IMMP2L: variants seen among roughly 807,000 people sequenced by gnomAD.
The protein encoded by IMMP2L is inner mitochondrial membrane peptidase subunit 2.
A neutral mutation model predicts 19.3 loss-of-function variants in IMMP2L; 18 were observed. The ratio of observed to expected loss-of-function variants is 0.93; its 90% confidence interval spans 0.64 to 1.38. The LOEUF is 1.38. Among genes scored for constraint, IMMP2L ranks in the 40% most tolerant of loss-of-function variants. The pLI, the probability that IMMP2L is intolerant of heterozygous loss-of-function variation, is 0.00. For missense variants in IMMP2L, 233 were observed against 218.2 expected (o/e 1.07, Z -0.43); for synonymous variants, 76 against 73.0 (o/e 1.04, Z -0.21).
In IMMP2L at chr7:110,785,649, C is replaced by T. The variant is rs77876363; in HGVS notation, c.408+100944G>A. Among the ~76,000 whole-genome samples, 708 of 151,948 alleles carry T rather than the reference C, an allele frequency of 4.7e-3. 5 individuals carry two copies. Among genetic ancestry groups the T allele is most frequent in the African/African-American group, 0.016 (665 of 41,486 alleles). Reference sequence around the variant, plus strand: ...TACTATGGTAGTCTTTTCAGGATACCGCCTTGCATCACCAATGAGAGGAAT... The same window carrying T: ...TACTATGGTAGTCTTTTCAGGATACTGCCTTGCATCACCAATGAGAGGAAT... On this transcript the variant is annotated intron_variant, in intron 5 of 5. Transcript: ENST00000405709.
intron 3 of IMMP2L, among the ~76,000 whole-genome samples, chr7:111,412,861 G>T (rs568436469): frequency 6.6e-6 from 1 of 151,470 alleles, no homozygotes; most frequent in African/African-American, 2.4e-5. Context: ...CGTTAACAAG[G>T]TAGAAAAAGA....
At chr7:111,243,244 T>C (rs928656211) in intron 3 of IMMP2L, among the ~76,000 whole-genome samples, 1 of 151,984 alleles carries the variant, frequency 6.6e-6, no homozygotes, top group African/African-American at 2.4e-5. Flanking sequence ...TATTGAATTA[T>C]AAAATATTTA....
At chr7:111,294,652 A>C (rs1398265445) in intron 3 of IMMP2L, among the ~76,000 whole-genome samples, 2 of 151,858 alleles carry the variant, frequency 1.3e-5, no homozygotes, top group Non-Finnish European at 2.9e-5. Context: ...AGTATTTTCC[A>C]GTGTTGATAC....
intron 3 of IMMP2L, among the ~76,000 whole-genome samples, chr7:111,356,018 G>A (rs1828664399): frequency 2.6e-5 from 4 of 151,794 alleles, no homozygotes; most frequent in Non-Finnish European, 5.9e-5. Flanking sequence ...TTCCACATAG[G>A]CAGAATTTAG....
chr7:111,184,169 AG>A (rs1808016126), intron 3 of IMMP2L, among the ~76,000 whole-genome samples: 1 of 152,060 alleles, frequency 6.6e-6, no homozygotes, highest in African/African-American at 2.4e-5. Flanking sequence ...GAAGAATCAA[AG>A]AATACTCCAG....
intron 3 of IMMP2L, among the ~76,000 whole-genome samples, chr7:111,235,263 G>C (rs1009583298): frequency 1.3e-5 from 2 of 152,074 alleles, no homozygotes; most frequent in African/African-American, 4.8e-5. Flanking sequence ...CCTGAGGTCA[G>C]GAGTTCAAGG....
At chr7:111,418,502 A>G (rs886312645) in intron 3 of IMMP2L, among the ~76,000 whole-genome samples, 6 of 151,812 alleles carry the variant, frequency 4.0e-5, no homozygotes, top group Admixed American at 6.6e-5. Flanking sequence ...ACCTAATCTG[A>G]TATCTTTTCA....
At position 110,852,241 on chromosome 7, in the gene IMMP2L, GATGT is replaced by G. The variant is rs1302884166; in HGVS notation, c.408+34348_408+34351del. ...GGATGGATGGATGGATGGATGGATGGATGTATACACATATATAGCCATAAACATC... is the reference window on the plus strand; with the variant it reads ...GGATGGATGGATGGATGGATGGATGGATACACATATATAGCCATAAACATC... On this transcript the variant is annotated intron_variant, in intron 5 of 5. Transcript: ENST00000405709. Among the ~76,000 whole-genome samples the G allele has an allele frequency of 9.8e-3, 1,477 of 151,118 alleles. 24 individuals are homozygous for G. The highest frequency in any genetic ancestry group is 0.034 in the African/African-American group (1,392 of 41,102).
intron 3 of IMMP2L, among the ~76,000 whole-genome samples, chr7:111,419,406 C>A (rs962112308): frequency 2.0e-5 from 3 of 151,478 alleles, no homozygotes; most frequent in Non-Finnish European, 4.4e-5. Context: ...AAATGGGCCC[C>A]AAAATCACTA....
chr7:111,506,234 A>G (rs971240859), intron 2 of IMMP2L, among the ~76,000 whole-genome samples: 3 of 150,916 alleles, frequency 2.0e-5, no homozygotes, highest in East Asian at 1.9e-4. Context: ...AAAAATAAAT[A>G]ATAAATTTTT....
rs371891553 is a variant in IMMP2L, at chr7:111,041,442, A to G, written c.240-77877T>C. 8.5e-4 allele frequency among the ~76,000 whole-genome samples: 130 copies of G among 152,078 alleles called. 1 individual carries two copies. Among genetic ancestry groups the G allele is most frequent in the African/African-American group, 3.1e-3 (127 of 41,468 alleles). On this transcript the variant is annotated intron_variant, in intron 3 of 5. Coordinates refer to ENST00000405709, the MANE Select transcript of IMMP2L (RefSeq NM_032549.4). The stretch of plus-strand genomic sequence containing the variant: ...TATCCAATTATAGAAAAAGGCAGCA[A>G]TGATCTCTTAACTGCCAGATGAGTG...
chr7:111,231,445 C>G (rs1813705860), intron 3 of IMMP2L, among the ~76,000 whole-genome samples: 1 of 151,880 alleles, frequency 6.6e-6, no homozygotes, highest in East Asian at 1.9e-4. Context: ...CAAATCTTAA[C>G]AAGAAAAAAT....
At chr7:110,779,790 C>T (rs1339445044) in intron 5 of IMMP2L, among the ~76,000 whole-genome samples, 3 of 151,780 alleles carry the variant, frequency 2.0e-5, no homozygotes, top group Non-Finnish European at 4.4e-5. Flanking sequence ...CTGGCAGGAT[C>T]TTACTCAGCC....
chr7:111,314,197 G>A (rs527708255), intron 3 of IMMP2L, among the ~76,000 whole-genome samples: 10 of 152,142 alleles, frequency 6.6e-5, no homozygotes, highest in East Asian at 1.9e-4. Context: ...TAATACAGGC[G>A]GCTTCAGGGA....
At chr7:111,320,228 C>T (rs1276305816) in intron 3 of IMMP2L, among the ~76,000 whole-genome samples, 1 of 152,010 alleles carries the variant, frequency 6.6e-6, no homozygotes, top group African/African-American at 2.4e-5. Flanking sequence ...CAAACTACAC[C>T]TTCTTGTGTT....
chr7:111,350,344 T>C (rs1006484451), intron 3 of IMMP2L, among the ~76,000 whole-genome samples: 11 of 119,044 alleles, frequency 9.2e-5, no homozygotes, highest in African/African-American at 3.5e-4. Context: ...CAAGCTTGCA[T>C]ATATACATAT....
At chr7:111,400,210 G>A (rs982714226) in intron 3 of IMMP2L, among the ~76,000 whole-genome samples, 1 of 152,092 alleles carries the variant, frequency 6.6e-6, no homozygotes, top group Non-Finnish European at 1.5e-5. Context: ...CTAGCTCATA[G>A]TAAGCAGTCT....
At chr7:111,073,028 T>A (rs974144324) in intron 3 of IMMP2L, among the ~76,000 whole-genome samples, 1 of 152,258 alleles carries the variant, frequency 6.6e-6, no homozygotes, top group East Asian at 1.9e-4. Flanking sequence ...CTGGTGAAAT[T>A]TGAATATGGA....
At chr7:111,507,247 T>G (rs1372828742) in intron 2 of IMMP2L, among the ~76,000 whole-genome samples, 1 of 152,170 alleles carries the variant, frequency 6.6e-6, no homozygotes, top group African/African-American at 2.4e-5. Flanking sequence ...GAAAAATAGT[T>G]TTATTTTCCA....
Sources: gnomAD v4.1 joint callset for allele counts (sites outside exome capture counted in the v4.1 genomes callset) on GRCh38, gnomAD v4.1.1 for gene constraint, MANE v1.5 for transcripts, NCBI Gene and HGNC (gene_info 2026-07-23, HGNC 2026-07-21) for gene names.